ANAPC10: variants seen among roughly 807,000 people sequenced by gnomAD.
ANAPC10 encodes anaphase-promoting complex subunit 10.
Under a neutral mutation model 22.0 loss-of-function variants are expected in ANAPC10, and 12 were observed. The observed-to-expected ratio is 0.55, with a 90% confidence interval of 0.35 to 0.88. ANAPC10 has a LOEUF of 0.88. Among genes scored for constraint, ANAPC10 ranks in the 40% least tolerant of loss-of-function variants. ANAPC10 has a pLI of 0.01. For synonymous variants in ANAPC10, 65 were observed against 69.5 expected, an observed-to-expected ratio of 0.94 and a Z score of 0.32; for missense variants, 188 against 220.9, an observed-to-expected ratio of 0.85 and a Z score of 0.94.
At chr4:144,996,155 G>C (rs1263086924) in intron 4 of ANAPC10, among the ~76,000 whole-genome samples, 2 of 152,124 alleles carry the variant, frequency 1.3e-5, no homozygotes, top group African/African-American at 4.8e-5. Flanking sequence ...CCTGGATGTG[G>C]GGAAACAATA....
chr4:145,061,653 AAGCCAAC>A (rs1742909361), intron 4 of ANAPC10, among the ~76,000 whole-genome samples: 1 of 152,216 alleles, frequency 6.6e-6, no homozygotes, highest in African/African-American at 2.4e-5. Flanking sequence ...AAATCAAAAC[AAGCCAAC>A]TCTACTTATA....
intron 3 of ANAPC10, chr4:145,081,441 A>G: frequency 2.7e-6 from 1 of 376,930 alleles, no homozygotes; most frequent in Non-Finnish European, 4.7e-6. Flanking sequence ...CATAAAAGGA[A>G]CTATGCAACA....
At chr4:145,086,774 C>G (rs769641671) in intron 2 of ANAPC10, among the ~76,000 whole-genome samples, 1 of 151,816 alleles carries the variant, frequency 6.6e-6, no homozygotes, top group African/African-American at 2.4e-5. Flanking sequence ...CTCCCCCCAC[C>G]CTCATGTCCC....
chr4:144,999,295 C>T (rs192955075), intron 4 of ANAPC10: 1 of 154,442 alleles, frequency 6.5e-6, no homozygotes, highest in East Asian at 1.9e-4. Context: ...ATACCAAAGC[C>T]TGGCAGAGAC....
intron 4 of ANAPC10, among the ~76,000 whole-genome samples, chr4:145,041,437 C>T (rs1739506721): frequency 6.6e-6 from 1 of 152,236 alleles, no homozygotes; most frequent in Middle Eastern, 3.4e-3. Context: ...AAGCAAAGAC[C>T]GTTTTTGTTC....
intron 3 of ANAPC10, among the ~76,000 whole-genome samples, chr4:145,075,826 C>T (rs1360535971): frequency 6.6e-6 from 1 of 152,136 alleles, no homozygotes; most frequent in African/African-American, 2.4e-5. Context: ...GAGGGTTTGG[C>T]ATGGAAATGG....
Position 145,026,220 on chromosome 4 carries a change from T to C in ANAPC10, c.328-30617A>G, listed in dbSNP as rs572803592. The stretch of plus-strand genomic sequence containing the variant: ...TCCGTAAGAAAAGACCTATACATAA[T>C]GATGTGTGAATGTCCTCAATTTAAC... On this transcript the variant is annotated intron_variant, in intron 4 of 4. Transcript: ENST00000507656. Among the ~76,000 whole-genome samples, 5 of 152,178 alleles carry C rather than the reference T, an allele frequency of 3.3e-5. No individual in the cohort carries two copies. The South Asian group carries it at 1.0e-3, about 32-fold the overall frequency.
chr4:145,009,502 C>T (rs1733958768), intron 4 of ANAPC10, among the ~76,000 whole-genome samples: 1 of 152,054 alleles, frequency 6.6e-6, no homozygotes, highest in Admixed American at 6.5e-5. Context: ...GAACAGAGGC[C>T]TCAGAAATAA....
intron 4 of ANAPC10, among the ~76,000 whole-genome samples, chr4:145,052,204 T>C (rs976510997): frequency 2.0e-5 from 3 of 152,116 alleles, no homozygotes; most frequent in East Asian, 1.9e-4. Flanking sequence ...TCACTATGAG[T>C]ACAATTAATA....
In ANAPC10 at chr4:145,009,248, C is replaced by G. The variant is rs1464908818; in HGVS notation, c.328-13645G>C. On this transcript the variant is annotated intron_variant, in intron 4 of 4. Transcript: ENST00000507656. ...GGAAGAATCAATATCATGAAAATGG[C>G]CATATTGCCCAAGGTAATTTATAGA... Among the ~76,000 whole-genome samples, 5 of 152,048 alleles carry G rather than the reference C, an allele frequency of 3.3e-5. No individual in the cohort carries two copies. In the East Asian group the frequency reaches 9.6e-4, roughly 29 times the overall value.
At chr4:145,040,411 G>C (rs1188431776) in intron 4 of ANAPC10, among the ~76,000 whole-genome samples, 1 of 152,232 alleles carries the variant, frequency 6.6e-6, no homozygotes, top group East Asian at 1.9e-4. Context: ...GCCTCCCAAA[G>C]TGCTGGGATT....
At chr4:145,059,027 T>C (rs1375838535) in intron 4 of ANAPC10, among the ~76,000 whole-genome samples, 1 of 152,148 alleles carries the variant, frequency 6.6e-6, no homozygotes, top group Admixed American at 6.5e-5. Context: ...AAAAACTATT[T>C]TTCCAAAGAC....
intron 4 of ANAPC10, among the ~76,000 whole-genome samples, chr4:145,038,462 G>A (rs969217852): frequency 6.6e-6 from 1 of 152,092 alleles, no homozygotes; most frequent in African/African-American, 2.4e-5. Flanking sequence ...GCAGAGTGCC[G>A]AGATGGTGCC....
rs147806650 is a variant in ANAPC10, at chr4:144,996,633, C to T, written c.328-1030G>A. On this transcript the variant is annotated intron_variant, in intron 4 of 4. Coordinates refer to ENST00000507656, the MANE Select transcript of ANAPC10 (RefSeq NM_001256706.2). Reference sequence around the variant, plus strand: ...ATAAAACCACAAAGATGGGGAGAAACCAGAGCAGAAAAGCTGAAAATTCTA... The same window carrying T: ...ATAAAACCACAAAGATGGGGAGAAATCAGAGCAGAAAAGCTGAAAATTCTA... 1.6e-3 allele frequency among the ~76,000 whole-genome samples: 240 copies of T among 152,208 alleles called. 2 individuals are homozygous for T. Among genetic ancestry groups the T allele is most frequent in the Middle Eastern group, 0.014 (4 of 294 alleles).
intron 4 of ANAPC10, among the ~76,000 whole-genome samples, chr4:145,022,813 A>T (rs1033054943): frequency 6.6e-6 from 1 of 151,570 alleles, no homozygotes; most frequent in Non-Finnish European, 1.5e-5. Context: ...AAAAAAAAAA[A>T]TTAAAAACAG....
In ANAPC10 at chr4:144,994,601, T is replaced by C. The variant is rs1731357580; in HGVS notation, c.*772A>G. On this transcript the variant is annotated 3_prime_UTR_variant, in exon 5 of 5. Transcript: ENST00000507656. Reference sequence around the variant, plus strand: ...TTTCTTTAAAATCTTTTAATATATATAAAAAATTTCACATACTTTTACGAT... The same window carrying C: ...TTTCTTTAAAATCTTTTAATATATACAAAAAATTTCACATACTTTTACGAT... 6.6e-6 allele frequency: 1 copy of C among 152,068 alleles called. No homozygotes were observed. Among genetic ancestry groups the C allele is most frequent in the Non-Finnish European group, 1.5e-5 (1 of 67,962 alleles). 9.4% of individuals were successfully genotyped at this position (152,068 alleles called of 1,614,324 possible). A position where few individuals can be genotyped will look rare whatever the true frequency, so the allele number is the denominator to read the frequency against.
chr4:145,088,657 A>T (rs1747232649), intron 2 of ANAPC10, among the ~76,000 whole-genome samples: 1 of 152,182 alleles, frequency 6.6e-6, no homozygotes, highest in South Asian at 2.1e-4. Context: ...AACATAAATT[A>T]CTATAACATC....
At chr4:144,996,219 A>C (rs1038069142) in intron 4 of ANAPC10, among the ~76,000 whole-genome samples, 2 of 152,184 alleles carry the variant, frequency 1.3e-5, no homozygotes, top group African/African-American at 4.8e-5. Flanking sequence ...GGCTTATAGG[A>C]TCTTAGTGAT....
chr4:145,004,190 TG>T (rs112893070), intron 4 of ANAPC10, among the ~76,000 whole-genome samples: 49 of 152,316 alleles, frequency 3.2e-4, no homozygotes, highest in African/African-American at 9.6e-4. Flanking sequence ...ACACTGGTTT[TG>T]TATCTGAAAC....
Sources: gnomAD v4.1 joint callset for allele counts (sites outside exome capture counted in the v4.1 genomes callset) on GRCh38, gnomAD v4.1.1 for gene constraint, MANE v1.5 for transcripts, NCBI Gene and HGNC (gene_info 2026-07-23, HGNC 2026-07-21) for gene names.